The following ADGRD1 variants were observed in gnomAD, a reference collection of about 807,000 sequenced individuals.
ADGRD1 encodes the protein G-protein coupled receptor 133.
ADGRD1 carries 77 observed loss-of-function variants against 113.4 expected under a neutral mutation model. The ratio of observed to expected loss-of-function variants is 0.68; its 90% CI spans 0.57 to 0.82. The LOEUF is 0.82. ADGRD1 is among the 40% of genes least tolerant of loss of function. The probability of loss-of-function intolerance (pLI) is 0.00; values close to 1 mark genes in which losing one functional copy is unlikely to be tolerated. For missense variants in ADGRD1, 1,036 were observed against 1,139.1 expected, an observed-to-expected ratio of 0.91 and a Z score of 1.30; for synonymous variants, 474 against 475.0, an observed-to-expected ratio of 1.00 and a Z score of 0.03.
intron 13 of ADGRD1, among the ~76,000 whole-genome samples, chr12:131,062,025 G>T (rs1226455160): frequency 6.6e-6 from 1 of 152,058 alleles, no homozygotes; most frequent in Non-Finnish European, 1.5e-5. Flanking sequence ...TTGTTTGTTT[G>T]TTTTTTGTTT....
At chr12:130,977,625 GGT>G (rs1375154695) in intron 4 of ADGRD1, 1 of 152,424 alleles carries the variant, frequency 6.6e-6, no homozygotes, top group Non-Finnish European at 1.5e-5. Context: ...CTGCTTTCCT[GGT>G]GTGGGAGCAG....
chr12:131,084,855 A>C lies in ADGRD1; in HGVS notation c.1671+192A>C, dbSNP rs937546767. ...GGTCCTGCATGTATTGGGTGCCAGC[A>C]AATATCCGAGGAGCCCATGATTGTG... On this transcript the variant is annotated intron_variant, in intron 15 of 24. Transcript: ENST00000261654. This position sits in a 1 kb window ranked among gnomAD's most constrained non-coding sequence, Gnocchi z 4.5. Among the ~76,000 whole-genome samples, 1 of 152,194 alleles carries C rather than the reference A, an allele frequency of 6.6e-6. No homozygotes were observed. Among genetic ancestry groups the C allele is most frequent in the African/African-American group, 2.4e-5 (1 of 41,454 alleles).
intron 23 of ADGRD1, chr12:131,137,236 C>T: frequency 1.7e-6 from 1 of 601,964 alleles, no homozygotes; most frequent in Non-Finnish European, 3.0e-6. Context: ...TCCTCTCTCC[C>T]TGGAGAATTG....
chr12:130,964,919 C>T (rs1324842869), intron 2 of ADGRD1, among the ~76,000 whole-genome samples: 1 of 152,060 alleles, frequency 6.6e-6, no homozygotes, highest in Non-Finnish European at 1.5e-5. Flanking sequence ...TATATAAACT[C>T]CATAATCAGA....
rs1453108986 is a variant in ADGRD1, at chr12:131,113,196, C to CAGTTT, written c.2041+4320_2041+4324dup. ...CAAGATTTAGTAGATTTTCTTGAGC[C>CAGTTT]AGTTTTTCTCAATTTGCTGTAAACC... On this transcript the variant is annotated intron_variant, in intron 18 of 24. Coordinates refer to ENST00000261654, the MANE Select transcript of ADGRD1 (RefSeq NM_198827.5). This position sits in a 1 kb window ranked among gnomAD's most constrained non-coding sequence, Gnocchi z 4.9. Among the ~76,000 whole-genome samples, 4 of 152,186 alleles carry CAGTTT rather than the reference C, an allele frequency of 2.6e-5. No homozygotes were observed. The highest frequency in any genetic ancestry group is 5.9e-5 in the Non-Finnish European group (4 of 68,040).
intron 13 of ADGRD1, 22 bp downstream of exon 13, chr12:131,014,362 C>T (rs1878309392): frequency 8.1e-6 from 13 of 1,598,630 alleles, no homozygotes; most frequent in Non-Finnish European, 1.1e-5. Context: ...TGCCTTCACC[C>T]TTGTCGCCGC....
intron 10 of ADGRD1, 47 bp from the exon 11 acceptor site, chr12:131,004,139 C>G (rs1181875710): frequency 8.3e-7 from 1 of 1,204,830 alleles, no homozygotes; most frequent in East Asian, 2.3e-5. Flanking sequence ...TTCCTGCAGC[C>G]TGTGAGCTCT....
In ADGRD1 at chr12:130,966,405, C is replaced by G. The variant is rs1040058796; in HGVS notation, c.104-58C>G. On this transcript the variant is annotated intron_variant, in intron 2 of 24. Transcript: ENST00000261654. The surrounding 1 kb of genome is among the most constrained non-coding windows in gnomAD (Gnocchi z 4.6). ...TAATGTGTGTGCTAAGCGGTTCTTA[C>G]CCTCTGGTTCTTTCCTCTCTAATGA... 7.3e-6 allele frequency: 8 copies of G among 1,101,960 alleles called. No individual in the cohort carries two copies. The highest frequency in any genetic ancestry group is 1.1e-5 in the Non-Finnish European group (8 of 714,880). The allele number at this position is 1,101,960 out of a possible 1,614,324, so 68.3% of individuals were successfully genotyped here. A position where few individuals can be genotyped will look rare whatever the true frequency, so the allele number is the denominator to read the frequency against.
chr12:131,109,547 CT>C (rs1950305168), intron 18 of ADGRD1, among the ~76,000 whole-genome samples: 1 of 152,126 alleles, frequency 6.6e-6, no homozygotes, highest in African/African-American at 2.4e-5. Context: ...GAGTTTCTCA[CT>C]TTTTTCTATT....
In ADGRD1 at chr12:130,995,247, G is replaced by T. The variant is rs538375550; in HGVS notation, c.966+2855G>T. 3.7e-4 allele frequency among the ~76,000 whole-genome samples: 57 copies of T among 152,296 alleles called. No homozygotes were observed. In the East Asian group the frequency reaches 4.3e-3, roughly 11 times the overall value. On this transcript the variant is annotated intron_variant, in intron 8 of 24. Transcript: ENST00000261654. ...ACGCACCCCAGAAAAGGCCAGGCAG[G>T]GCTGCCCTCTGCGGAGCCCAGGTGT...
chr12:131,035,986 T>C (rs1356742398), intron 13 of ADGRD1, among the ~76,000 whole-genome samples: 1 of 152,224 alleles, frequency 6.6e-6, no homozygotes, highest in African/African-American at 2.4e-5. Context: ...ACTAAGGTTC[T>C]CCTGGTCTCC....
chr12:130,966,407 C>T lies in ADGRD1; in HGVS notation c.104-56C>T. ...ATGTGTGTGCTAAGCGGTTCTTACC[C>T]TCTGGTTCTTTCCTCTCTAATGATG... On this transcript the variant is annotated intron_variant, in intron 2 of 24. Transcript: ENST00000261654. The surrounding 1 kb of genome is among the most constrained non-coding windows in gnomAD (Gnocchi z 4.6). The T allele has an allele frequency of 8.8e-7, 1 of 1,138,522 alleles. No homozygotes were observed. Among genetic ancestry groups the T allele is most frequent in the Non-Finnish European group, 1.3e-6 (1 of 747,956 alleles). The allele number at this position is 1,138,522 out of a possible 1,614,324, so 70.5% of individuals were successfully genotyped here.
intron 13 of ADGRD1, among the ~76,000 whole-genome samples, chr12:131,044,743 T>C (rs1882500344): frequency 6.6e-6 from 1 of 152,196 alleles, no homozygotes; most frequent in African/African-American, 2.4e-5. Flanking sequence ...AGTTTCTTTT[T>C]ACACACACAC....
chr12:130,963,301 C>CAACAGCGA, intron 2 of ADGRD1, among the ~76,000 whole-genome samples: 1 of 113,730 alleles, frequency 8.8e-6, no homozygotes, highest in Admixed American at 1.3e-4. Flanking sequence ...GCCTGGGCGA[C>CAACAGCGA]AGAGCCAGAC....
chr12:131,111,097 C>CTT (rs34797050), intron 18 of ADGRD1, among the ~76,000 whole-genome samples: 22,657 of 147,428 alleles, frequency 0.15, 1,982 homozygotes, highest in Non-Finnish European at 0.21. Context: ...ATTGTGTTTA[C>CTT]TTTTTTTTTT....
chr12:131,014,911 A>G, intron 13 of ADGRD1, among the ~76,000 whole-genome samples: 1 of 152,240 alleles, frequency 6.6e-6, no homozygotes, highest in East Asian at 1.9e-4. Context: ...AAGGCAAAAG[A>G]TGTATACAAT....
intron 3 of ADGRD1, chr12:130,968,848 G>A: frequency 1.6e-6 from 1 of 626,524 alleles, no homozygotes. Context: ...GGTCCGAAGA[G>A]AAAGTCCAGG....
chr12:131,016,337 C>T (rs909742985), intron 13 of ADGRD1, among the ~76,000 whole-genome samples: 4 of 152,232 alleles, frequency 2.6e-5, no homozygotes, highest in African/African-American at 7.2e-5. Flanking sequence ...CGTGGAGGCT[C>T]AGGAGACGCT....
chr12:131,104,304 G>A (rs771558772), intron 15 of ADGRD1, among the ~76,000 whole-genome samples: 22 of 152,282 alleles, frequency 1.4e-4, no homozygotes, highest in Admixed American at 3.9e-4. Flanking sequence ...GCCTCAGGCC[G>A]GGGCGGTAAC....
Sources: allele counts gnomAD v4.1 joint callset (sites outside exome capture counted in the v4.1 genomes callset), GRCh38; gene constraint gnomAD v4.1.1; non-coding constraint Gnocchi (gnomAD v3.1); transcripts MANE v1.5; gene names NCBI Gene and HGNC (gene_info 2026-07-23, HGNC 2026-07-21).